The following SND1 variants were observed in gnomAD, a reference collection of about 807,000 sequenced individuals.
The protein encoded by SND1 is staphylococcal nuclease domain-containing protein 1.
Under a neutral mutation model 121.7 loss-of-function variants are expected in SND1, and 38 were observed. That is an observed-to-expected ratio of 0.31 (90% CI 0.24 to 0.41). SND1 has a LOEUF of 0.41. Among genes scored for constraint, SND1 ranks in the 10% least tolerant of loss-of-function variants. SND1 has a pLI of 1.00. For synonymous variants in SND1, 401 were observed against 447.4 expected, an observed-to-expected ratio of 0.90 and a Z score of 1.31; for missense variants, 868 against 1,184.6, an observed-to-expected ratio of 0.73 and a Z score of 3.92.
chr7:128,027,994 ATG>A (rs1803528485), intron 16 of SND1: 1 of 152,200 alleles, frequency 6.6e-6, no homozygotes. Context: ...GGCAAGGCAC[ATG>A]TGTGTCCAGT....
At chr7:128,049,774 G>GA (rs1352215370) in intron 16 of SND1, among the ~76,000 whole-genome samples, 3 of 152,270 alleles carry the variant, frequency 2.0e-5, no homozygotes, top group Admixed American at 1.3e-4. Context: ...AGAATTATGG[G>GA]AAGAAATTGG....
intron 12 of SND1, among the ~76,000 whole-genome samples, chr7:127,879,862 A>T (rs1319458831): frequency 6.6e-6 from 1 of 152,116 alleles, no homozygotes; most frequent in African/African-American, 2.4e-5. Flanking sequence ...AGTTTATAAG[A>T]TTTTATCACA....
In SND1 at chr7:127,929,940, G is replaced by T. The variant is rs142296791; in HGVS notation, c.1669+611G>T. ...ATGTGTGTCTTACCCTATCTTTTCT[G>T]GTAGCTTAATATTTCACAAGCCAGA... On this transcript the variant is annotated intron_variant, in intron 15 of 23. Coordinates refer to ENST00000354725, the MANE Select transcript of SND1 (RefSeq NM_014390.4). Among the ~76,000 whole-genome samples, 259 of 152,278 alleles carry T rather than the reference G, an allele frequency of 1.7e-3. 3 individuals carry two copies. The highest frequency in any genetic ancestry group is 5.8e-3 in the African/African-American group (243 of 41,542).
chr7:128,002,566 C>T (rs981518698), intron 16 of SND1, among the ~76,000 whole-genome samples: 6 of 152,158 alleles, frequency 3.9e-5, no homozygotes, highest in African/African-American at 1.4e-4. Context: ...CCACACATAC[C>T]TCATGGATGT....
chr7:127,994,571 A>AC (rs1802596242), intron 16 of SND1, among the ~76,000 whole-genome samples: 1 of 146,854 alleles, frequency 6.8e-6, no homozygotes, highest in African/African-American at 2.5e-5. Context: ...AAAAAAAAAA[A>AC]AAAAAAAAAA....
intron 12 of SND1, among the ~76,000 whole-genome samples, chr7:127,846,523 A>G (rs1018308918): frequency 2.0e-5 from 3 of 152,206 alleles, no homozygotes; most frequent in South Asian, 2.1e-4. Context: ...TGTGTCCCTA[A>G]AGATAGGGAA....
intron 10 of SND1, among the ~76,000 whole-genome samples, chr7:127,747,969 C>T (rs1307203313): frequency 1.3e-5 from 2 of 152,166 alleles, no homozygotes; most frequent in African/African-American, 4.8e-5. Flanking sequence ...TCCCCCTTCC[C>T]ACCCCTTTTA....
chr7:128,025,643 C>T (rs1442547013), intron 16 of SND1, among the ~76,000 whole-genome samples: 3 of 152,202 alleles, frequency 2.0e-5, no homozygotes, highest in Non-Finnish European at 4.4e-5. Context: ...CTCTGAAAAG[C>T]TGTCCCAAGT....
At chr7:127,670,519 C>A (rs1795498031) in intron 1 of SND1, among the ~76,000 whole-genome samples, 2 of 152,148 alleles carry the variant, frequency 1.3e-5, no homozygotes, top group Admixed American at 1.3e-4. Context: ...TTCACTTAAA[C>A]CAAAAACAGA....
intron 12 of SND1, among the ~76,000 whole-genome samples, chr7:127,852,810 CAAAA>C (rs61595990): frequency 1.4e-5 from 2 of 144,882 alleles, no homozygotes; most frequent in African/African-American, 5.2e-5. Context: ...GACTTGGTCT[CAAAA>C]AAAAAAAGAA....
intron 10 of SND1, among the ~76,000 whole-genome samples, chr7:127,764,863 G>A (rs964737040): frequency 2.6e-5 from 4 of 152,158 alleles, no homozygotes; most frequent in African/African-American, 9.7e-5. Context: ...GTCGATCGAG[G>A]TAAATTGCTC....
chr7:127,884,087 A>G (rs915627803), intron 12 of SND1, among the ~76,000 whole-genome samples: 2 of 152,148 alleles, frequency 1.3e-5, no homozygotes, highest in Non-Finnish European at 2.9e-5. Context: ...CATTTTATTC[A>G]AACAGTTATA....
intron 16 of SND1, among the ~76,000 whole-genome samples, chr7:128,010,267 T>G (rs1156251485): frequency 6.6e-6 from 1 of 152,232 alleles, no homozygotes; most frequent in Non-Finnish European, 1.5e-5. Flanking sequence ...ACTACACCTG[T>G]AATCAGAAAT....
chr7:127,904,688 T>C, intron 13 of SND1, 59 bp from the exon 14 acceptor site: 1 of 1,190,426 alleles, frequency 8.4e-7, no homozygotes, highest in Non-Finnish European at 1.3e-6. Flanking sequence ...TTTTGCACCC[T>C]CCTACCCCTT....
At chr7:128,021,142 C>T (rs1407073476) in intron 16 of SND1, among the ~76,000 whole-genome samples, 1 of 152,156 alleles carries the variant, frequency 6.6e-6, no homozygotes, top group Non-Finnish European at 1.5e-5. Flanking sequence ...AGAAGGATGC[C>T]ATTGTCAGTT....
chr7:127,715,590 GT>G (rs1425876797), intron 9 of SND1, among the ~76,000 whole-genome samples: 1 of 151,882 alleles, frequency 6.6e-6, no homozygotes, highest in African/African-American at 2.4e-5. Context: ...TGAGGTTTTT[GT>G]TTTTTTGTTG....
chr7:128,061,829 G>A (rs889314589), intron 16 of SND1, among the ~76,000 whole-genome samples: 3 of 152,208 alleles, frequency 2.0e-5, no homozygotes, highest in Admixed American at 6.5e-5. Context: ...TTCCTGAGAG[G>A]CCAGAGCAAT....
At chr7:128,059,500 T>TA (rs1464613322) in intron 16 of SND1, among the ~76,000 whole-genome samples, 2 of 152,380 alleles carry the variant, frequency 1.3e-5, no homozygotes, top group East Asian at 3.8e-4. Flanking sequence ...TTTACATACT[T>TA]ACTGATTTTT....
intron 21 of SND1, among the ~76,000 whole-genome samples, chr7:128,088,569 C>A (rs903367017): frequency 6.6e-6 from 1 of 150,768 alleles, no homozygotes; most frequent in African/African-American, 2.4e-5. Context: ...TCTCCCACCT[C>A]AGCCTTCCGA....
Sources: gnomAD v4.1 joint callset for allele counts (sites outside exome capture counted in the v4.1 genomes callset) on GRCh38, gnomAD v4.1.1 for gene constraint, MANE v1.5 for transcripts, NCBI Gene and HGNC (gene_info 2026-07-23, HGNC 2026-07-21) for gene names.